MYRFL: variants seen among roughly 807,000 people sequenced by gnomAD.
MYRFL encodes the protein myelin regulatory factor-like protein.
Under a neutral mutation model 109.4 loss-of-function variants are expected in MYRFL, and 88 were observed. The observed-to-expected ratio is 0.80, with a 90% confidence interval of 0.68 to 0.96. The LOEUF (loss-of-function observed/expected upper bound fraction) is 0.96. Among genes scored for constraint, MYRFL ranks in the 40% least tolerant of loss-of-function variants. MYRFL has a pLI of 0.00. For missense variants in MYRFL, 957 were observed against 954.9 expected (o/e 1.00, Z -0.03); for synonymous variants, 324 against 320.9 (o/e 1.01, Z -0.10).
intron 11 of MYRFL, among the ~76,000 whole-genome samples, chr12:69,908,610 C>A (rs964015375): frequency 2.0e-5 from 3 of 152,206 alleles, no homozygotes; most frequent in African/African-American, 7.2e-5. Context: ...ATATTTTCAA[C>A]ACCTCCTCAG....
At chr12:69,900,223 T>C (rs1378228127) in intron 10 of MYRFL, among the ~76,000 whole-genome samples, 1 of 152,152 alleles carries the variant, frequency 6.6e-6, no homozygotes, top group Non-Finnish European at 1.5e-5. Context: ...TTAGGGAAGA[T>C]GATATAATAA....
intron 19 of MYRFL, among the ~76,000 whole-genome samples, chr12:69,950,765 T>C (rs1955952849): frequency 6.6e-6 from 1 of 152,212 alleles, no homozygotes; most frequent in African/African-American, 2.4e-5. Flanking sequence ...TCCTTGGTTA[T>C]TTATTTCTTT....
chr12:69,871,764 A>G (rs958900086), intron 2 of MYRFL, among the ~76,000 whole-genome samples: 5 of 149,306 alleles, frequency 3.3e-5, no homozygotes, highest in African/African-American at 1.2e-4. Context: ...TATAATTTTC[A>G]TTTTTTTTTG....
At chr12:69,936,936 G>T (rs1172216090) in intron 19 of MYRFL, among the ~76,000 whole-genome samples, 1 of 152,174 alleles carries the variant, frequency 6.6e-6, no homozygotes, top group Non-Finnish European at 1.5e-5. Context: ...ATGCACGTGG[G>T]TGGATTTTTT....
At chr12:69,882,839 C>T (rs1166629556) in intron 5 of MYRFL, among the ~76,000 whole-genome samples, 1 of 152,110 alleles carries the variant, frequency 6.6e-6, no homozygotes, top group African/African-American at 2.4e-5. Flanking sequence ...GAGTCATGGC[C>T]AGTGGCCCAC....
At position 69,936,078 on chromosome 12, in the gene MYRFL, G is replaced by GTTTT. The variant is rs71098067; in HGVS notation, c.1917-9_1917-6dup. ...TCTGGAAACAAATCTGCCACATAATGTTTTTTTTTTTTTTTTTTTTTTTTT... is the reference window on the plus strand; with the variant it reads ...TCTGGAAACAAATCTGCCACATAATGTTTTTTTTTTTTTTTTTTTTTTTTTTTTT... On this transcript the variant is annotated intron_variant, in intron 16 of 24. Transcript: ENST00000552032. The GTTTT allele has an allele frequency of 5.2e-4, 461 of 893,872 alleles. 29 individuals carry two copies. Among genetic ancestry groups the GTTTT allele is most frequent in the East Asian group, 1.8e-3 (30 of 16,622 alleles). 55.4% of individuals were successfully genotyped at this position (893,872 alleles called of 1,614,324 possible). A position where few individuals can be genotyped will look rare whatever the true frequency, so the allele number is the denominator to read the frequency against.
chr12:69,872,612 T>G (rs1305494767), intron 2 of MYRFL, among the ~76,000 whole-genome samples: 1 of 152,154 alleles, frequency 6.6e-6, no homozygotes, highest in Non-Finnish European at 1.5e-5. Context: ...ACGATTCTCC[T>G]GCCTCAGCCT....
intron 1 of MYRFL, among the ~76,000 whole-genome samples, chr12:69,840,287 G>C (rs578083119): frequency 1.3e-5 from 2 of 152,264 alleles, no homozygotes; most frequent in East Asian, 3.9e-4. Context: ...AGAAGGATGC[G>C]AGCAGGTAAT....
chr12:69,898,396 C>T (rs553268945), intron 10 of MYRFL, among the ~76,000 whole-genome samples: 5 of 152,238 alleles, frequency 3.3e-5, no homozygotes, highest in Admixed American at 2.6e-4. Context: ...CATGCACACC[C>T]CAGGCTGCAT....
rs58723853 is a variant in MYRFL at position 69,871,231 on chromosome 12, CT to C, written c.138-7778del. ...ACTTTCCAACTCTTTTTGGATATTT[CT>C]TTTTTTTTTTTTTTTTTTGAGATGG... is the stretch of plus-strand genomic sequence containing the variant. On this transcript the variant is annotated intron_variant, in intron 2 of 24. Coordinates refer to ENST00000552032, the MANE Select transcript of MYRFL (RefSeq NM_182530.3). Among the ~76,000 whole-genome samples the C allele has an allele frequency of 9.5e-3, 1,190 of 124,704 alleles. 4 individuals are homozygous for C. Among genetic ancestry groups the C allele is most frequent in the Middle Eastern group, 0.033 (8 of 240 alleles). The allele number at this position is 124,704 out of a possible 152,430, so 81.8% of individuals were successfully genotyped here.
chr12:69,872,104 T>G (rs1490422199), intron 2 of MYRFL, among the ~76,000 whole-genome samples: 2 of 152,230 alleles, frequency 1.3e-5, no homozygotes, highest in African/African-American at 4.8e-5. Flanking sequence ...TTCCTATGCC[T>G]TCCTAAAAAA....
At chr12:69,901,893 G>A (rs76560884) in intron 10 of MYRFL, among the ~76,000 whole-genome samples, 4 of 139,886 alleles carry the variant, frequency 2.9e-5, no homozygotes, top group Non-Finnish European at 3.1e-5. Flanking sequence ...GTTTTTTTTT[G>A]TTTTTTTTAA....
chr12:69,876,717 A>G (rs1294810014), intron 2 of MYRFL, among the ~76,000 whole-genome samples: 1 of 152,236 alleles, frequency 6.6e-6, no homozygotes, highest in African/African-American at 2.4e-5. Flanking sequence ...CCTCGAGTAC[A>G]TTCCATTTTT....
At chr12:69,883,472 A>T (rs1455427594) in intron 5 of MYRFL, among the ~76,000 whole-genome samples, 1 of 152,186 alleles carries the variant, frequency 6.6e-6, no homozygotes, top group African/African-American at 2.4e-5. Flanking sequence ...ATTGTGGTAT[A>T]TTTATACAAT....
At chr12:69,933,632 C>T (rs1955341569) in intron 16 of MYRFL, among the ~76,000 whole-genome samples, 1 of 152,052 alleles carries the variant, frequency 6.6e-6, no homozygotes. Context: ...TGCTACTGCC[C>T]ACTGTAGGGA....
At chr12:69,825,681 TA>T (rs1882231043) in intron 1 of MYRFL, 118 bp downstream of exon 1, 2 of 635,624 alleles carry the variant, frequency 3.1e-6, no homozygotes, top group East Asian at 5.5e-5. Flanking sequence ...CATACTTAGG[TA>T]ACTCTCCTAA....
chr12:69,927,665 A>ATT lies in MYRFL; in HGVS notation c.1767-17_1767-16dup, dbSNP rs780910637. On this transcript the variant is annotated intron_variant, in intron 14 of 24. Coordinates refer to ENST00000552032, the MANE Select transcript of MYRFL (RefSeq NM_182530.3). ...TGGAGAGGTATTTGAATAGTAACCAATTTTCTCTCTCTTTTAAAGCAAATC... is the reference window on the plus strand; with the variant it reads ...TGGAGAGGTATTTGAATAGTAACCAATTTTTTCTCTCTCTTTTAAAGCAAATC... The ATT allele has an allele frequency of 6.5e-7, 1 of 1,527,772 alleles. No homozygotes were observed. The highest frequency in any genetic ancestry group is 2.0e-5 in the Admixed American group (1 of 49,818). 94.6% of individuals were successfully genotyped at this position (1,527,772 alleles called of 1,614,324 possible).
intron 1 of MYRFL, among the ~76,000 whole-genome samples, chr12:69,837,142 T>C (rs1240258): frequency 0.99 from 150,231 of 152,306 alleles, 74,130 homozygotes; most frequent in Middle Eastern, 1. Flanking sequence ...GTCCAACACT[T>C]TTTTCATCTG....
intron 5 of MYRFL, among the ~76,000 whole-genome samples, chr12:69,881,005 CAA>C (rs1565993202): frequency 8.1e-6 from 1 of 123,588 alleles, no homozygotes; most frequent in Non-Finnish European, 1.6e-5. Flanking sequence ...TGTTTTGAGC[CAA>C]GAGACCTGAT....
Sources: allele counts gnomAD v4.1 joint callset (sites outside exome capture counted in the v4.1 genomes callset), GRCh38; gene constraint gnomAD v4.1.1; transcripts MANE v1.5; gene names NCBI Gene and HGNC (gene_info 2026-07-23, HGNC 2026-07-21).